Variants in RNF144A observed in about 807,000 individuals in gnomAD.
The protein encoded by RNF144A is E3 ubiquitin-protein ligase RNF144A.
Under a neutral mutation model 38.7 loss-of-function variants are expected in RNF144A, and 11 were observed. The ratio of observed to expected loss-of-function variants is 0.28; its 90% CI spans 0.18 to 0.47. The LOEUF is 0.47. RNF144A is among the 20% of genes least tolerant of loss of function. The probability of loss-of-function intolerance (pLI) is 0.99; values close to 1 mark genes in which losing one functional copy is unlikely to be tolerated. For synonymous variants in RNF144A, 149 were observed against 143.9 expected (o/e 1.04, Z -0.25); for missense variants, 316 against 377.2 (o/e 0.84, Z 1.34).
chr2:7,011,110 A>G (rs531905371), intron 3 of RNF144A, among the ~76,000 whole-genome samples: 11 of 152,318 alleles, frequency 7.2e-5, no homozygotes, highest in Admixed American at 3.3e-4. Context: ...TATGTATTGA[A>G]TGATTGATTT....
At chr2:6,933,272 C>T (rs1269052002) in intron 1 of RNF144A, 1 of 152,100 alleles carries the variant, frequency 6.6e-6, no homozygotes, top group South Asian at 2.1e-4. Context: ...TTGCTGTGAT[C>T]ACTAGTGGGC....
chr2:7,015,219 C>T (rs1671059750), intron 5 of RNF144A, among the ~76,000 whole-genome samples: 1 of 152,180 alleles, frequency 6.6e-6, no homozygotes, highest in African/African-American at 2.4e-5. Flanking sequence ...TGGTAGGTGT[C>T]CTGTCTGCGC....
At chr2:6,935,199 C>T (rs1188470655) in intron 1 of RNF144A, among the ~76,000 whole-genome samples, 1 of 152,218 alleles carries the variant, frequency 6.6e-6, no homozygotes, top group Non-Finnish European at 1.5e-5. Context: ...CATCTTCCTT[C>T]CTGTTACTAC....
intron 3 of RNF144A, among the ~76,000 whole-genome samples, chr2:7,000,462 AT>A (rs879922205): frequency 1.3e-5 from 2 of 152,194 alleles, no homozygotes; most frequent in African/African-American, 2.4e-5. Flanking sequence ...GACCTGGGAA[AT>A]TCCTTATGGG....
chr2:6,933,317 A>C (rs1033810562), intron 1 of RNF144A: 1 of 152,208 alleles, frequency 6.6e-6, no homozygotes, highest in Non-Finnish European at 1.5e-5. Context: ...TATGGAGAAG[A>C]GGGAGAAAGG....
intron 2 of RNF144A, among the ~76,000 whole-genome samples, chr2:6,983,418 A>T (rs991276306): frequency 6.6e-6 from 1 of 152,094 alleles, no homozygotes; most frequent in African/African-American, 2.4e-5. Context: ...CAGCCTTTTT[A>T]TCTGGTAGTG....
rs542986512 is a variant in RNF144A at position 6,960,745 on chromosome 2, G to A, written c.-12+19598G>A. Among the ~76,000 whole-genome samples the A allele has an allele frequency of 8.5e-5, 13 of 152,286 alleles. No individual in the cohort carries two copies. The South Asian group carries it at 2.5e-3, about 29-fold the overall frequency. On this transcript the variant is annotated intron_variant, in intron 2 of 8. Transcript: ENST00000320892. ...TTCCTGGCAAATACATGGGTTCCCC[G>A]GTGTGGAGGTATGAGAGTTCTTTTC...
chr2:6,942,475 T>C (rs764999210), intron 2 of RNF144A, among the ~76,000 whole-genome samples: 4 of 152,162 alleles, frequency 2.6e-5, no homozygotes, highest in Non-Finnish European at 4.4e-5. Flanking sequence ...TGGGGCACAC[T>C]CTGCAGATAG....
In RNF144A at chr2:7,030,194, T is replaced by C. The variant is rs1201085632; in HGVS notation, c.726T>C (p.Ser242=). The part of the protein sequence containing the change: ...CRNKLGHSRA[S]VIWHRTQVVG... ...ACAAGCTGGGCCACTCCCGGGCATC[T>C]GTGATCTGGCATCGGACACAGGTAG... The change falls in exon 8 of 9, where the codon TCT becomes TCC. Residue 242 remains serine (S), a synonymous_variant. Coordinates refer to ENST00000320892, the MANE Select transcript of RNF144A (RefSeq NM_014746.6). 1.9e-6 allele frequency: 3 copies of C among 1,613,680 alleles called. No homozygotes were observed. Among genetic ancestry groups the C allele is most frequent in the Admixed American group, 3.3e-5 (2 of 60,004 alleles).
intron 8 of RNF144A, among the ~76,000 whole-genome samples, chr2:7,032,770 AAAG>A (rs1672409108): frequency 1.3e-5 from 2 of 152,338 alleles, no homozygotes; most frequent in East Asian, 3.9e-4. Flanking sequence ...CCCTGTTTCC[AAAG>A]AAGGTCACAT....
chr2:6,971,695 A>G (rs1424380583), intron 2 of RNF144A, among the ~76,000 whole-genome samples: 1 of 152,156 alleles, frequency 6.6e-6, no homozygotes, highest in Non-Finnish European at 1.5e-5. Flanking sequence ...CTGATGTGCC[A>G]TGTATCTGAG....
chr2:7,051,294 G>A (rs536827689), intron 6 of RNF144A, among the ~76,000 whole-genome samples: 224 of 152,300 alleles, frequency 1.5e-3, no homozygotes, highest in Admixed American at 4.1e-3. Flanking sequence ...CTTCAGTGCA[G>A]AGCTGAGCTC....
chr2:6,964,498 C>T (rs1208352051), intron 2 of RNF144A, among the ~76,000 whole-genome samples: 1 of 152,190 alleles, frequency 6.6e-6, no homozygotes, highest in Non-Finnish European at 1.5e-5. Flanking sequence ...ATAAATCATG[C>T]TGCTATAAAG....
rs542057636 is a variant in RNF144A at position 6,925,990 on chromosome 2, T to C, written c.-212+8368T>C. On this transcript the variant is annotated intron_variant, in intron 1 of 8. Coordinates refer to ENST00000320892, the MANE Select transcript of RNF144A (RefSeq NM_014746.6). Reference sequence around the variant, plus strand: ...GTTAGCATATGTTTGGCCAGCAACATAGCACTTACTAACAAGGACTTAAAC... The same window carrying C: ...GTTAGCATATGTTTGGCCAGCAACACAGCACTTACTAACAAGGACTTAAAC... Among the ~76,000 whole-genome samples the C allele has an allele frequency of 9.5e-4, 145 of 152,360 alleles. 1 individual carries two copies. The highest frequency in any genetic ancestry group is 3.4e-3 in the African/African-American group (143 of 41,582).
At chr2:7,005,890 G>T (rs1670406911) in intron 3 of RNF144A, among the ~76,000 whole-genome samples, 1 of 151,294 alleles carries the variant, frequency 6.6e-6, no homozygotes. Context: ...TGACTTGGGT[G>T]CACCTGCTCC....
chr2:6,973,036 TA>T (rs1452597110), intron 2 of RNF144A, among the ~76,000 whole-genome samples: 1 of 152,210 alleles, frequency 6.6e-6, no homozygotes, highest in East Asian at 1.9e-4. Context: ...TGGGGAACTT[TA>T]AAGCCTCTAT....
At chr2:7,025,059 G>A (rs980878648) in intron 7 of RNF144A, among the ~76,000 whole-genome samples, 1 of 152,168 alleles carries the variant, frequency 6.6e-6, no homozygotes, top group African/African-American at 2.4e-5. Flanking sequence ...ATCATCTACA[G>A]GGCGGGAAAA....
At chr2:7,028,802 G>GCTC (rs1247537290) in intron 7 of RNF144A, among the ~76,000 whole-genome samples, 3 of 152,212 alleles carry the variant, frequency 2.0e-5, no homozygotes, top group Non-Finnish European at 4.4e-5. Flanking sequence ...GTGTTTGCCT[G>GCTC]CTCCTCCCTT....
intron 2 of RNF144A, among the ~76,000 whole-genome samples, chr2:6,942,280 G>A (rs543333049): frequency 1.6e-4 from 24 of 150,056 alleles, no homozygotes; most frequent in African/African-American, 2.9e-4. Flanking sequence ...TAGAAAGGGC[G>A]GAGGACAAGG....
Sources: allele counts gnomAD v4.1 joint callset (sites outside exome capture counted in the v4.1 genomes callset), GRCh38; gene constraint gnomAD v4.1.1; transcripts MANE v1.5; gene names NCBI Gene and HGNC (gene_info 2026-07-23, HGNC 2026-07-21).